The following CNBD1 variants were observed in gnomAD, a reference collection of about 807,000 sequenced individuals.
The protein encoded by CNBD1 is cyclic nucleotide-binding domain-containing protein 1.
A neutral mutation model predicts 54.4 loss-of-function variants in CNBD1; 71 were observed. That is an observed-to-expected ratio of 1.30 (90% confidence interval 1.08 to 1.59). The LOEUF (loss-of-function observed/expected upper bound fraction) is 1.59. Among genes scored for constraint, CNBD1 ranks in the 40% most tolerant of loss-of-function variants. The pLI is 0.00. For missense variants in CNBD1, 659 were observed against 518.0 expected (o/e 1.27, Z -2.64); for synonymous variants, 182 against 170.7 (o/e 1.07, Z -0.51).
intron 4 of CNBD1, among the ~76,000 whole-genome samples, chr8:87,118,954 A>G (rs1811836125): frequency 6.6e-6 from 1 of 152,190 alleles, no homozygotes; most frequent in African/African-American, 2.4e-5. Context: ...TTTCATTTTT[A>G]TCTTTTACAT....
intron 6 of CNBD1, among the ~76,000 whole-genome samples, chr8:87,280,868 A>G (rs1808586806): frequency 1.3e-5 from 2 of 151,500 alleles, no homozygotes; most frequent in South Asian, 4.1e-4. Context: ...TTTTTCAGTA[A>G]AATAACATGA....
chr8:87,037,882 C>T (rs929385296), intron 4 of CNBD1, among the ~76,000 whole-genome samples: 20 of 152,146 alleles, frequency 1.3e-4, no homozygotes, highest in African/African-American at 4.8e-4. Flanking sequence ...CAAAATTGTG[C>T]TTTCAGGCCT....
At chr8:86,891,209 T>C (rs184818113) in intron 2 of CNBD1, among the ~76,000 whole-genome samples, 3 of 152,260 alleles carry the variant, frequency 2.0e-5, no homozygotes, top group East Asian at 3.9e-4. Context: ...ATCCTAGCAG[T>C]TCTATGTTTA....
At chr8:87,074,966 A>C (rs1237786606) in intron 4 of CNBD1, among the ~76,000 whole-genome samples, 2 of 152,146 alleles carry the variant, frequency 1.3e-5, no homozygotes, top group Non-Finnish European at 2.9e-5. Context: ...TGGCTCTTTC[A>C]ATTATTTAAT....
chr8:87,299,640 G>A (rs1461474995), intron 8 of CNBD1, among the ~76,000 whole-genome samples: 1 of 152,194 alleles, frequency 6.6e-6, no homozygotes, highest in East Asian at 1.9e-4. Context: ...TGTTGGAGAA[G>A]ACCAGAATGA....
chr8:87,269,837 T>TA (rs1808328433), intron 6 of CNBD1, among the ~76,000 whole-genome samples: 1 of 151,988 alleles, frequency 6.6e-6, no homozygotes, highest in Non-Finnish European at 1.5e-5. Context: ...ACCAGACATA[T>TA]AAAGTAGAGC....
At chr8:86,991,990 T>A (rs1411770521) in intron 4 of CNBD1, among the ~76,000 whole-genome samples, 3 of 152,118 alleles carry the variant, frequency 2.0e-5, no homozygotes, top group African/African-American at 7.2e-5. Context: ...TATTATGTGA[T>A]TGTTGCTGAA....
At chr8:86,926,744 A>G (rs561482427) in intron 3 of CNBD1, among the ~76,000 whole-genome samples, 1 of 152,192 alleles carries the variant, frequency 6.6e-6, no homozygotes, top group Admixed American at 6.5e-5. Flanking sequence ...CACCGCTGCC[A>G]AAGACTCCAC....
intron 4 of CNBD1, among the ~76,000 whole-genome samples, chr8:87,048,196 A>T (rs1563448909): frequency 6.6e-6 from 1 of 152,170 alleles, no homozygotes; most frequent in Non-Finnish European, 1.5e-5. Context: ...GGGTTAAATA[A>T]GGGCAGTCCT....
At chr8:87,342,711 T>A (rs1330851001) in intron 8 of CNBD1, among the ~76,000 whole-genome samples, 1 of 151,930 alleles carries the variant, frequency 6.6e-6, no homozygotes, top group East Asian at 1.9e-4. Context: ...ATCAGCAGGT[T>A]TTTATTAGGG....
intron 4 of CNBD1, among the ~76,000 whole-genome samples, chr8:86,992,023 G>T (rs1042575686): frequency 2.0e-5 from 3 of 152,158 alleles, no homozygotes; most frequent in Admixed American, 6.5e-5. Flanking sequence ...TATCCATTTT[G>T]TCCAGTTGAC....
chr8:87,428,579 A>G (rs1354947117), exon 3 of CNBD1: 1 of 455,106 alleles, frequency 2.2e-6, no homozygotes, highest in Non-Finnish European at 4.4e-6. Context: ...CTTATGCTCC[A>G]AACAGCTAAA....
intron 4 of CNBD1, among the ~76,000 whole-genome samples, chr8:87,184,974 T>C (rs1813444067): frequency 6.6e-6 from 1 of 152,214 alleles, no homozygotes; most frequent in African/African-American, 2.4e-5. Context: ...TTGAGTTTTT[T>C]ATTTGACTTC....
chr8:87,176,693 G>A (rs973659284), intron 4 of CNBD1, among the ~76,000 whole-genome samples: 7 of 147,296 alleles, frequency 4.8e-5, no homozygotes, highest in African/African-American at 1.5e-4. Flanking sequence ...GTTTCTCCAT[G>A]TTGGCCAGGC....
intron 6 of CNBD1, among the ~76,000 whole-genome samples, chr8:87,257,517 T>G (rs940972048): frequency 1.3e-5 from 2 of 152,126 alleles, no homozygotes; most frequent in African/African-American, 4.8e-5. Flanking sequence ...TTTCTGCAAT[T>G]TATAAGTCAC....
downstream of CNBD1, among the ~76,000 whole-genome samples, chr8:87,386,408 G>C (rs576926561): frequency 3.9e-3 from 592 of 152,148 alleles, 8 homozygotes; most frequent in African/African-American, 0.013. Context: ...CCAATACAGA[G>C]AAGTCCTTAA....
rs10671983 is a variant in CNBD1 at position 86,940,132 on chromosome 8, C to CTTTTTTTTTTTTTTTTT, written c.431+381_431+397dup. On this transcript the variant is annotated intron_variant, in intron 4 of 10. Transcript: ENST00000518476. ...CTTTAAATAAACTTACCACATGTTA[C>CTTTTTTTTTTTTTTTTT]TTTTTTTTTTTTTTTTTTTGAGACT... Among the ~76,000 whole-genome samples the CTTTTTTTTTTTTTTTTT allele has an allele frequency of 1.2e-3, 110 of 88,720 alleles. 17 individuals are homozygous for CTTTTTTTTTTTTTTTTT. The highest frequency in any genetic ancestry group is 4.7e-3 in the African/African-American group (102 of 21,922). The allele number at this position is 88,720 out of a possible 152,430, so 58.2% of individuals were successfully genotyped here. A position where few individuals can be genotyped will look rare whatever the true frequency, so the allele number is the denominator to read the frequency against.
At chr8:87,257,022 A>G (rs1808037786) in intron 6 of CNBD1, among the ~76,000 whole-genome samples, 1 of 152,116 alleles carries the variant, frequency 6.6e-6, no homozygotes, top group Non-Finnish European at 1.5e-5. Flanking sequence ...TACTGTTATA[A>G]CATCAACACT....
At chr8:86,989,826 C>G (rs1486113908) in intron 4 of CNBD1, among the ~76,000 whole-genome samples, 1 of 152,122 alleles carries the variant, frequency 6.6e-6, no homozygotes, top group Non-Finnish European at 1.5e-5. Flanking sequence ...CGAGGGTTCC[C>G]TTTTCTCCAC....
Sources: gnomAD v4.1 joint callset for allele counts (sites outside exome capture counted in the v4.1 genomes callset) on GRCh38, gnomAD v4.1.1 for gene constraint, MANE v1.5 for transcripts, NCBI Gene and HGNC (gene_info 2026-07-23, HGNC 2026-07-21) for gene names.